The following SCIN variants were observed in gnomAD, a reference collection of about 807,000 sequenced individuals.
The protein encoded by SCIN is scinderin, also known as adseverin.
SCIN carries 91 observed loss-of-function variants against 91.8 expected under a neutral mutation model. The observed-to-expected ratio is 0.99, with a 90% CI of 0.84 to 1.18. SCIN has a LOEUF of 1.18. Ranked by LOEUF, SCIN falls within the 50% of genes most tolerant of loss-of-function variation. The pLI is 0.00. For missense variants in SCIN, 1,087 were observed against 863.9 expected (o/e 1.26, Z -3.24); for synonymous variants, 367 against 312.6 (o/e 1.17, Z -1.84).
intron 11 of SCIN, among the ~76,000 whole-genome samples, chr7:12,643,386 A>T (rs2691813): frequency 0.24 from 36,735 of 152,128 alleles, 5,025 homozygotes; most frequent in South Asian, 0.43. Context: ...CCATAATGAG[A>T]TGTTTGTATT....
At chr7:12,571,041 G>A in intron 1 of SCIN, 56 bp downstream of exon 1, 6 of 1,497,440 alleles carry the variant, frequency 4.0e-6, no homozygotes, top group Non-Finnish European at 3.6e-6. Context: ...AGGGGAGGGC[G>A]TAGGGGTCTG....
chr7:12,605,583 A>C (rs1043102145), intron 4 of SCIN, among the ~76,000 whole-genome samples: 1 of 152,188 alleles, frequency 6.6e-6, no homozygotes, highest in African/African-American at 2.4e-5. Flanking sequence ...CTGAAGATAA[A>C]TTTATACAAT....
chr7:12,608,498 G>C (rs1783126661), intron 4 of SCIN, among the ~76,000 whole-genome samples: 2 of 151,970 alleles, frequency 1.3e-5, no homozygotes, highest in Non-Finnish European at 2.9e-5. Flanking sequence ...TATTTTTTGA[G>C]CTGGAGTCTT....
At chr7:12,577,336 AT>A (rs1268898815) in intron 1 of SCIN, among the ~76,000 whole-genome samples, 1 of 152,178 alleles carries the variant, frequency 6.6e-6, no homozygotes, top group African/African-American at 2.4e-5. Context: ...TGATGCTCAT[AT>A]TTCTCACAAA....
rs1282961845 is a variant in SCIN, at chr7:12,653,908, C to T, written c.*1193C>T. On this transcript the variant is annotated 3_prime_UTR_variant, in exon 16 of 16. Transcript: ENST00000297029. This position sits in a 1 kb window ranked among gnomAD's most constrained non-coding sequence, Gnocchi z 4.1. ...CAGTTACCCTGATTCTATTCCATTC[C>T]ATTCTATTCTATTCTATTATTTCAT... 1.3e-5 allele frequency: 2 copies of T among 152,120 alleles called. No homozygotes were observed. Among genetic ancestry groups the T allele is most frequent in the Non-Finnish European group, 2.9e-5 (2 of 67,992 alleles). The allele number at this position is 152,120 out of a possible 1,614,324, so 9.4% of individuals were successfully genotyped here.
chr7:12,602,313 G>T (rs1782974510), intron 3 of SCIN, among the ~76,000 whole-genome samples: 1 of 152,144 alleles, frequency 6.6e-6, no homozygotes, highest in African/African-American at 2.4e-5. Flanking sequence ...GCAAAAAGGA[G>T]AACAAAGATC....
chr7:12,601,669 A>T (rs752874963), intron 3 of SCIN, among the ~76,000 whole-genome samples: 1 of 152,202 alleles, frequency 6.6e-6, no homozygotes, highest in Non-Finnish European at 1.5e-5. Context: ...AAAAAAAATC[A>T]CTGACTTAGA....
At position 12,655,182 on chromosome 7, in the gene SCIN, A is replaced by C. The variant is rs977084386; in HGVS notation, c.*2467A>C. 6.6e-6 allele frequency: 1 copy of C among 152,168 alleles called. No individual in the cohort carries two copies. Among genetic ancestry groups the C allele is most frequent in the African/African-American group, 2.4e-5 (1 of 41,446 alleles). 9.4% of individuals were successfully genotyped at this position (152,168 alleles called of 1,614,324 possible). On this transcript the variant is annotated 3_prime_UTR_variant, in exon 16 of 16. Transcript: ENST00000297029. ...AATACAGTGTAAACGCTGTGTAAAC[A>C]GTTGTTATACTATATTGGTTTTTTA... is the stretch of plus-strand genomic sequence containing the variant.
intron 14 of SCIN, among the ~76,000 whole-genome samples, chr7:12,650,307 G>C (rs1728751588): frequency 1.3e-5 from 2 of 152,122 alleles, no homozygotes; most frequent in Non-Finnish European, 2.9e-5. Context: ...CAAGTGAATG[G>C]ATTACTTATT....
chr7:12,628,357 C>G (rs929528034), intron 8 of SCIN, among the ~76,000 whole-genome samples: 1 of 152,152 alleles, frequency 6.6e-6, no homozygotes, highest in African/African-American at 2.4e-5. Flanking sequence ...ACATGTATTT[C>G]TCACCAGTCT....
intron 4 of SCIN, 52 bp from the exon 5 acceptor site, chr7:12,622,749 A>G: frequency 1.6e-6 from 2 of 1,222,724 alleles, no homozygotes; most frequent in Non-Finnish European, 1.2e-6. Context: ...CTAACTCTGC[A>G]TCCTTCAATG....
chr7:12,606,702 C>T (rs923171460), intron 4 of SCIN, among the ~76,000 whole-genome samples: 3 of 151,986 alleles, frequency 2.0e-5, no homozygotes, highest in Admixed American at 2.0e-4. Flanking sequence ...TAAAATATTA[C>T]CAGTATTACA....
intron 9 of SCIN, among the ~76,000 whole-genome samples, chr7:12,635,653 A>G (rs59037700): frequency 0.014 from 2,068 of 147,090 alleles, 57 homozygotes; most frequent in East Asian, 0.098. Flanking sequence ...GGCAAGAAAG[A>G]CAAAATGCCC....
At chr7:12,622,931 A>G (rs1273222790) in intron 5 of SCIN, 38 bp downstream of exon 5, 3 of 1,481,620 alleles carry the variant, frequency 2.0e-6, no homozygotes, top group Non-Finnish European at 2.8e-6. Flanking sequence ...TTTCAACAGT[A>G]CTGGATGTAG....
At chr7:12,575,239 CTTT>C (rs545984242) in intron 1 of SCIN, among the ~76,000 whole-genome samples, 1 of 136,976 alleles carries the variant, frequency 7.3e-6, no homozygotes. Context: ...GGAGAGTTTT[CTTT>C]TTTTTTTTTG....
rs1273927128 is a variant in SCIN, at chr7:12,656,409, A to G, written c.*3694A>G. The G allele has an allele frequency of 6.6e-6, 1 of 152,126 alleles. No individual in the cohort carries two copies. The highest frequency in any genetic ancestry group is 1.9e-4 in the East Asian group (1 of 5,192). The allele number at this position is 152,126 out of a possible 1,614,324, so 9.4% of individuals were successfully genotyped here. ...AATTTATTTTAAACCTAATTTATTTATTTTAAACCTAATTTATTTTAAACC... is the reference window on the plus strand; with the variant it reads ...AATTTATTTTAAACCTAATTTATTTGTTTTAAACCTAATTTATTTTAAACC... On this transcript the variant is annotated 3_prime_UTR_variant, in exon 16 of 16. Coordinates refer to ENST00000297029, the MANE Select transcript of SCIN (RefSeq NM_001112706.3).
At position 12,656,017 on chromosome 7, in the gene SCIN, G is replaced by A. The variant is rs553281434; in HGVS notation, c.*3302G>A. On this transcript the variant is annotated 3_prime_UTR_variant, in exon 16 of 16. Coordinates refer to ENST00000297029, the MANE Select transcript of SCIN (RefSeq NM_001112706.3). ...TCTTGGTGCCGGAGAGCCTTGGTGA[G>A]CCATTTAGATCCTCTGTATCTTCTC... 7 of 152,310 alleles carry A rather than the reference G, an allele frequency of 4.6e-5. No homozygotes were observed. The highest frequency in any genetic ancestry group is 1.7e-4 in the African/African-American group (7 of 41,572). 9.4% of individuals were successfully genotyped at this position (152,310 alleles called of 1,614,324 possible).
chr7:12,590,453 G>A (rs1322906668), intron 3 of SCIN, among the ~76,000 whole-genome samples: 1 of 152,092 alleles, frequency 6.6e-6, no homozygotes, highest in East Asian at 1.9e-4. Context: ...GGGTGAAGGA[G>A]TAGGTATGGG....
intron 9 of SCIN, among the ~76,000 whole-genome samples, chr7:12,633,518 T>G (rs892629245): frequency 6.6e-6 from 1 of 152,010 alleles, no homozygotes; most frequent in Non-Finnish European, 1.5e-5. Flanking sequence ...AGAAGAGAGG[T>G]TTAAGATGAG....
Sources: gnomAD v4.1 joint callset for allele counts (sites outside exome capture counted in the v4.1 genomes callset) on GRCh38, gnomAD v4.1.1 for gene constraint, Gnocchi (gnomAD v3.1) non-coding constraint, MANE v1.5 for transcripts, NCBI Gene and HGNC (gene_info 2026-07-23, HGNC 2026-07-21) for gene names.